SAMD5: variants seen among roughly 807,000 people sequenced by gnomAD.
SAMD5 encodes sterile alpha motif domain containing 5, also known as sterile alpha motif domain-containing protein 5.
A neutral mutation model predicts 11.3 loss-of-function variants in SAMD5; 13 were observed. The ratio of observed to expected loss-of-function variants is 1.15; its 90% CI spans 0.75 to 1.83. The LOEUF is 1.83. SAMD5 is among the 40% of genes most tolerant of loss of function. The probability of loss-of-function intolerance (pLI) is 0.00; values close to 1 mark genes in which losing one functional copy is unlikely to be tolerated. For missense variants in SAMD5, 255 were observed against 239.1 expected (o/e 1.07, Z -0.44); for synonymous variants, 129 against 111.3 (o/e 1.16, Z -1.00).
At chr6:147,614,953 T>C (rs1410064765) in intron 1 of SAMD5, among the ~76,000 whole-genome samples, 3 of 152,034 alleles carry the variant, frequency 2.0e-5, no homozygotes, top group African/African-American at 7.3e-5. Flanking sequence ...GTCATTATTA[T>C]GTTATAAACA....
chr6:147,912,071 C>A, the SAMD5 span, among the ~76,000 whole-genome samples: 1 of 152,146 alleles, frequency 6.6e-6, no homozygotes, highest in African/African-American at 2.4e-5. Flanking sequence ...CGTTACTTCT[C>A]ATAGATTCTG....
the SAMD5 span, chr6:147,953,509 A>C: frequency 6.6e-6 from 1 of 152,148 alleles, no homozygotes; most frequent in African/African-American, 2.4e-5. Context: ...TTCTCTTCCT[A>C]TTGCATCAAA....
chr6:147,680,566 G>A (rs73011952), intron 1 of SAMD5, among the ~76,000 whole-genome samples: 17,468 of 152,068 alleles, frequency 0.11, 1,095 homozygotes, highest in Middle Eastern at 0.16. Flanking sequence ...GATATGGTGA[G>A]CAGATGTGGT....
rs184821185 is a variant in SAMD5 at position 147,691,199 on chromosome 6, G to A, written c.163-46118G>A. ...AGTAGAGACACAGTTTTGCTATGTT[G>A]GTCAGGCTGGTCTTGAACTCCTGAC... On this transcript the variant is annotated intron_variant, in intron 1 of 1. Transcript: ENST00000566741. Among the ~76,000 whole-genome samples the A allele has an allele frequency of 1.4e-3, 208 of 152,120 alleles. 1 individual carries two copies. Among genetic ancestry groups the A allele is most frequent in the African/African-American group, 4.8e-3 (200 of 41,506 alleles).
At chr6:147,712,313 A>C (rs1791411282) in intron 1 of SAMD5, among the ~76,000 whole-genome samples, 1 of 152,218 alleles carries the variant, frequency 6.6e-6, no homozygotes, top group Admixed American at 6.5e-5. Context: ...ATATAGAAAA[A>C]CAACAATTTA....
At chr6:147,544,428 A>C (rs1402160796) in intron 1 of SAMD5, among the ~76,000 whole-genome samples, 2 of 152,236 alleles carry the variant, frequency 1.3e-5, no homozygotes, top group Non-Finnish European at 2.9e-5. Flanking sequence ...TTAAGTTATA[A>C]GCACTTAAAC....
the SAMD5 span, among the ~76,000 whole-genome samples, chr6:147,886,478 C>T: frequency 6.6e-6 from 1 of 152,008 alleles, no homozygotes; most frequent in South Asian, 2.1e-4. Flanking sequence ...GTGACCTCTG[C>T]CTCTTGGTGG....
the SAMD5 span, among the ~76,000 whole-genome samples, chr6:147,766,221 C>T: frequency 6.6e-6 from 1 of 151,768 alleles, no homozygotes; most frequent in Non-Finnish European, 1.5e-5. Flanking sequence ...ATAAGAAGTT[C>T]ATTGTCTCCA....
chr6:147,827,935 A>G, the SAMD5 span, among the ~76,000 whole-genome samples: 7,694 of 148,600 alleles, frequency 0.052, 646 homozygotes, highest in African/African-American at 0.18. Flanking sequence ...GACTACAGGC[A>G]CCCACCACCA....
At chr6:147,518,391 C>T (rs1487314463) in intron 1 of SAMD5, among the ~76,000 whole-genome samples, 2 of 152,278 alleles carry the variant, frequency 1.3e-5, no homozygotes, top group East Asian at 1.9e-4. Context: ...GTCTGTTCTT[C>T]AGTAGTTATC....
At chr6:147,930,631 G>C in the SAMD5 span, among the ~76,000 whole-genome samples, 1 of 152,060 alleles carries the variant, frequency 6.6e-6, no homozygotes, top group Admixed American at 6.6e-5. Flanking sequence ...GGCATGACTT[G>C]GTCCAATTCT....
the SAMD5 span, among the ~76,000 whole-genome samples, chr6:147,864,774 G>C: frequency 6.6e-6 from 1 of 152,144 alleles, no homozygotes. Context: ...GTTACTTTCT[G>C]AACCTTATGA....
the SAMD5 span, among the ~76,000 whole-genome samples, chr6:147,918,555 C>T: frequency 4.6e-5 from 7 of 152,094 alleles, no homozygotes; most frequent in African/African-American, 1.2e-4. Flanking sequence ...GAAGTCAAAT[C>T]GTCCCTGTTT....
chr6:147,573,927 A>C (rs1789175572), downstream of SAMD5, among the ~76,000 whole-genome samples: 1 of 152,186 alleles, frequency 6.6e-6, no homozygotes, highest in African/African-American at 2.4e-5. Context: ...GATCAAGACC[A>C]TCCTGGCCAA....
At chr6:147,776,961 G>A in the SAMD5 span, among the ~76,000 whole-genome samples, 1 of 152,150 alleles carries the variant, frequency 6.6e-6, no homozygotes. Context: ...AACCTGCATT[G>A]TAGATATGCC....
Position 147,609,713 on chromosome 6 carries a change from C to T in SAMD5, c.162+100326C>T, listed in dbSNP as rs537844472. On this transcript the variant is annotated intron_variant, in intron 1 of 1. Transcript: ENST00000566741. Reference sequence around the variant, plus strand: ...CTGGGATTACAGGCGCCCGCCACCACGCCTGGCTAATTTTTTGAATGTTTA... The same window carrying T: ...CTGGGATTACAGGCGCCCGCCACCATGCCTGGCTAATTTTTTGAATGTTTA... 6.6e-5 allele frequency among the ~76,000 whole-genome samples: 10 copies of T among 152,134 alleles called. No homozygotes were observed. In the East Asian group the frequency reaches 9.7e-4, roughly 15 times the overall value.
intron 1 of SAMD5, among the ~76,000 whole-genome samples, chr6:147,608,070 A>T (rs1322116591): frequency 6.6e-6 from 1 of 152,218 alleles, no homozygotes. Flanking sequence ...AGAAATGCAA[A>T]TCAAAACTAT....
chr6:147,611,260 A>C (rs1789780588), intron 1 of SAMD5, among the ~76,000 whole-genome samples: 1 of 152,172 alleles, frequency 6.6e-6, no homozygotes, highest in Admixed American at 6.5e-5. Flanking sequence ...GAGGAATTTG[A>C]AAGAAGAGAC....
At chr6:147,815,987 A>T in the SAMD5 span, among the ~76,000 whole-genome samples, 166 of 152,254 alleles carry the variant, frequency 1.1e-3, 1 homozygote, top group African/African-American at 3.9e-3. Flanking sequence ...ATAAAAGTAT[A>T]TTAGAAAGAA....
Sources: gnomAD v4.1 joint callset for allele counts (sites outside exome capture counted in the v4.1 genomes callset) on GRCh38, gnomAD v4.1.1 for gene constraint, MANE v1.5 for transcripts, NCBI Gene and HGNC (gene_info 2026-07-23, HGNC 2026-07-21) for gene names.